Variants in TSPYL2 observed in about 807,000 individuals in gnomAD.
TSPYL2 encodes TSPY like 2.
A neutral mutation model predicts 33.0 loss-of-function variants in TSPYL2; 9 were observed. The ratio of observed to expected loss-of-function variants is 0.27; its 90% CI spans 0.16 to 0.48. The LOEUF (loss-of-function observed/expected upper bound fraction) is 0.48. Ranked by LOEUF, TSPYL2 falls within the 20% of genes least tolerant of loss-of-function variation. TSPYL2 has a pLI of 0.99. For synonymous variants in TSPYL2, 330 were observed against 233.6 expected (o/e 1.41, Z -3.77); for missense variants, 636 against 586.2 (o/e 1.08, Z -0.88).
intron 6 of TSPYL2, chrX:53,087,466 A>C: frequency 4.1e-6 from 1 of 243,344 alleles, no homozygotes; most frequent in African/African-American, 2.7e-5. Context: ...CTGAGGTCAG[A>C]GCTCAGGAAG....
chrX:53,087,623 C>T (rs1227168308), intron 6 of TSPYL2, 153 bp from the exon 7 acceptor site: 4 of 530,229 alleles, frequency 7.5e-6, no homozygotes, highest in Non-Finnish European at 1.2e-5. Context: ...CCCACACACA[C>T]TCTTGGCTGT....
intron 1 of TSPYL2, 107 bp from the exon 2 acceptor site, chrX:53,084,438 A>G: frequency 1.5e-6 from 1 of 680,116 alleles, no homozygotes; most frequent in South Asian, 2.7e-5. Context: ...ACATAAGCAC[A>G]GAAGGAATCC....
chrX:53,083,879 G>A (rs1932689472), intron 1 of TSPYL2, among the ~76,000 whole-genome samples: 1 of 111,897 alleles, frequency 8.9e-6, no homozygotes, highest in South Asian at 3.7e-4. Flanking sequence ...TCAAGAGAGG[G>A]AGTGTCTAGG....
chrX:53,082,697 G>C lies in TSPYL2; in HGVS notation c.199G>C (p.Gly67Arg), dbSNP rs1358640232. 15 of 1,142,124 alleles carry C rather than the reference G, an allele frequency of 1.3e-5. No individual in the cohort carries two copies. The highest frequency in any genetic ancestry group is 1.6e-5 in the Non-Finnish European group (14 of 865,543). The allele number at this position is 1,142,124 out of a possible 1,213,427, so 94.1% of individuals were successfully genotyped here. A position where few individuals can be genotyped will look rare whatever the true frequency, so the allele number is the denominator to read the frequency against. The change falls in exon 1 of 7, where the codon GGC (glycine) becomes CGC (arginine). Residue 67 changes from glycine (G) to arginine (R), a missense_variant. Transcript: ENST00000375442. ...GGCCGATATGAGGGGGGTGGGACTG[G>C]GCCCCGCGCTGCCCCCGCCGCCTCC... ...VLADMRGVGL[G>R]PALPPPPPYV...
intron 6 of TSPYL2, 144 bp from the exon 7 acceptor site, chrX:53,087,632 G>A (rs782798083): frequency 3.5e-6 from 2 of 567,420 alleles, no homozygotes; most frequent in East Asian, 3.6e-5. Flanking sequence ...ACTCTTGGCT[G>A]TTTGTTCCAA....
rs1226573038 is a variant in TSPYL2, at chrX:53,087,846, A to G, written c.1989A>G (p.Glu663=). Residue 663 remains glutamate, a synonymous_variant, in exon 7 of 7, where the codon GAA becomes GAG. Coordinates refer to ENST00000375442, the MANE Select transcript of TSPYL2 (RefSeq NM_022117.4). ...AGGAAGGAAGTGAAGATGTCTGGGA[A>G]GAAGGGGAAGATTCGGACGACTCTG... ...YEEEGSEDVW[E]EGEDSDDSDL... 23 of 1,210,149 alleles carry G rather than the reference A, an allele frequency of 1.9e-5. No individual in the cohort carries two copies. Among genetic ancestry groups the G allele is most frequent in the Non-Finnish European group, 2.6e-5 (23 of 894,942 alleles).
At chrX:53,083,419 C>A in intron 1 of TSPYL2, 114 bp downstream of exon 1, 1 of 728,829 alleles carries the variant, frequency 1.4e-6, no homozygotes, top group Non-Finnish European at 2.1e-6. Flanking sequence ...GGGCATGATC[C>A]CCCTATCGGA....
chrX:53,083,965 G>A (rs1301476658), intron 1 of TSPYL2, among the ~76,000 whole-genome samples: 1 of 112,034 alleles, frequency 8.9e-6, no homozygotes, highest in African/African-American at 3.3e-5. Context: ...TTAGGAACAT[G>A]AGTCGAACAT....
Position 53,085,789 on chromosome X carries a change from A to G in TSPYL2, c.1397A>G (p.Asp466Gly). The G allele has an allele frequency of 1.7e-6, 2 of 1,211,934 alleles. No individual in the cohort carries two copies. Among genetic ancestry groups the G allele is most frequent in the Non-Finnish European group, 2.2e-6 (2 of 895,612 alleles). ...ACCACCGACTACTTCGAGACCACTG[A>G]CAATGAGATAACTGACATCAATGAG... ...METTDYFETT[D>G]NEITDINENI... The change falls in exon 6 of 7, where the codon GAC becomes GGC. Residue 466 changes from aspartate to glycine, a missense_variant. Asp to Gly is a moderately conservative substitution (Grantham distance 94). Coordinates refer to ENST00000375442, the MANE Select transcript of TSPYL2 (RefSeq NM_022117.4).
rs1556808698 is a variant in TSPYL2, at chrX:53,086,326, C to CG, written c.1918+16_1918+17insG. The CG allele has an allele frequency of 1.1e-5, 13 of 1,150,840 alleles. No individual in the cohort carries two copies. Among genetic ancestry groups the CG allele is most frequent in the Admixed American group, 2.2e-5 (1 of 44,645 alleles). The allele number at this position is 1,150,840 out of a possible 1,213,427, so 94.8% of individuals were successfully genotyped here. On this transcript the variant is annotated intron_variant, in intron 6 of 6. Transcript: ENST00000375442. ...ATTGAGGAAGGTGAGCTAATCCCCC[C>CG]CCACCCTTGTCTTCCCTCTTTTCTT...
Position 53,088,344 on chromosome X carries a change from C to T in TSPYL2, c.*405C>T. On this transcript the variant is annotated 3_prime_UTR_variant, in exon 7 of 7. Transcript: ENST00000375442. ...CACAGCCGCGCAGTGCCCATGGAGG[C>T]GCTGCTGCCACCTTCCTCTCCCAAG... 1 of 135,364 alleles carries T rather than the reference C, an allele frequency of 7.4e-6. No homozygotes were observed. Among genetic ancestry groups the T allele is most frequent in the Non-Finnish European group, 1.5e-5 (1 of 67,059 alleles). 11.2% of individuals were successfully genotyped at this position (135,364 alleles called of 1,213,427 possible).
chrX:53,086,493 C>A, intron 6 of TSPYL2, 183 bp downstream of exon 6: 1 of 468,266 alleles, frequency 2.1e-6, no homozygotes, highest in Non-Finnish European at 3.7e-6. Context: ...TAACAAAACC[C>A]CAAAAAATCA....
At chrX:53,087,546 A>C in intron 6 of TSPYL2, 1 of 407,621 alleles carries the variant, frequency 2.5e-6, no homozygotes, top group Non-Finnish European at 4.3e-6. Flanking sequence ...TGACAGAGGC[A>C]GGGATCCCAC....
At chrX:53,087,057 G>A (rs781967475) in intron 6 of TSPYL2, 1 of 113,093 alleles carries the variant, frequency 8.8e-6, no homozygotes, top group African/African-American at 3.3e-5. Context: ...GCACCTTAAA[G>A]GCTCTGAGAA....
In TSPYL2 at chrX:53,083,089, G is replaced by A; in HGVS notation, c.591G>A (p.Gln197=). The change falls in exon 1 of 7, where the codon CAG becomes CAA. Residue 197 remains glutamine, a synonymous_variant. Coordinates refer to ENST00000375442, the MANE Select transcript of TSPYL2 (RefSeq NM_022117.4). ...RRRRRRRRRK[Q]RKVKRESRER... ...GGCGGCGGCGGCGGAGGAGGAAGCA[G>A]AGGAAGGTGAAGAGGGAAAGCAGAG... is the stretch of plus-strand genomic sequence containing the variant. 8.3e-7 allele frequency: 1 copy of A among 1,208,770 alleles called. No homozygotes were observed. The highest frequency in any genetic ancestry group is 1.1e-6 in the Non-Finnish European group (1 of 894,030).
intron 6 of TSPYL2, chrX:53,087,513 T>C (rs1470290239): frequency 1.1e-5 from 4 of 369,685 alleles, no homozygotes; most frequent in Middle Eastern, 7.5e-4. Flanking sequence ...GAGAAAAAGC[T>C]ACTATCAGAG....
At position 53,088,286 on chromosome X, in the gene TSPYL2, C is replaced by T. The variant is rs782115314; in HGVS notation, c.*347C>T. 1 of 184,297 alleles carries T rather than the reference C, an allele frequency of 5.4e-6. No individual in the cohort carries two copies. The highest frequency in any genetic ancestry group is 2.9e-5 in the African/African-American group (1 of 34,687). 15.2% of individuals were successfully genotyped at this position (184,297 alleles called of 1,213,427 possible). On this transcript the variant is annotated 3_prime_UTR_variant, in exon 7 of 7. Transcript: ENST00000375442. ...TGCTGTGTGGAGTGGACACCCTGACCCCCGAAGCGGGGAGGGCCGCTGTGG... is the reference window on the plus strand; with the variant it reads ...TGCTGTGTGGAGTGGACACCCTGACTCCCGAAGCGGGGAGGGCCGCTGTGG...
At position 53,082,486 on chromosome X, in the gene TSPYL2, G is replaced by C. The variant is rs1556807103; in HGVS notation, c.-13G>C. On this transcript the variant is annotated 5_prime_UTR_variant, in exon 1 of 7. Coordinates refer to ENST00000375442, the MANE Select transcript of TSPYL2 (RefSeq NM_022117.4). ...CGAGTGCGAGTCCCCTGAGCTGTACGAACGCGGTCGCCATGGACCGCCCAG... is the reference window on the plus strand; with the variant it reads ...CGAGTGCGAGTCCCCTGAGCTGTACCAACGCGGTCGCCATGGACCGCCCAG... 8.7e-7 allele frequency: 1 copy of C among 1,148,675 alleles called. No homozygotes were observed. Among genetic ancestry groups the C allele is most frequent in the Admixed American group, 2.7e-5 (1 of 36,804 alleles). The allele number at this position is 1,148,675 out of a possible 1,213,427, so 94.7% of individuals were successfully genotyped here.
At chrX:53,084,411 C>A in intron 1 of TSPYL2, 134 bp from the exon 2 acceptor site, 1 of 541,403 alleles carries the variant, frequency 1.8e-6, no homozygotes, top group Non-Finnish European at 3.0e-6. Flanking sequence ...CCATGACTCA[C>A]TTGCTTTATA....
Sources: gnomAD v4.1 joint callset for allele counts (sites outside exome capture counted in the v4.1 genomes callset) on GRCh38, gnomAD v4.1.1 for gene constraint, MANE v1.5 for transcripts, NCBI Gene and HGNC (gene_info 2026-07-23, HGNC 2026-07-21) for gene names.